Variants in TMTC2 observed in about 807,000 individuals in gnomAD.
The protein encoded by TMTC2 is transmembrane O-mannosyltransferase targeting cadherins 2, also known as protein O-mannosyl-transferase TMTC2.
TMTC2 carries 43 observed loss-of-function variants against 82.4 expected under a neutral mutation model. The ratio of observed to expected loss-of-function variants is 0.52; its 90% CI spans 0.41 to 0.67. TMTC2 has a LOEUF of 0.67. Among genes scored for constraint, TMTC2 ranks in the 30% least tolerant of loss-of-function variants. TMTC2 has a pLI of 0.00. For synonymous variants in TMTC2, 408 were observed against 381.9 expected (o/e 1.07, Z -0.80); for missense variants, 919 against 1,012.4 (o/e 0.91, Z 1.25).
intron 8 of TMTC2, among the ~76,000 whole-genome samples, chr12:83,004,915 G>C (rs1880102827): frequency 6.6e-6 from 1 of 151,404 alleles, no homozygotes; most frequent in Admixed American, 6.6e-5. Flanking sequence ...AATTTGGGAA[G>C]CTGAGGAGGG....
chr12:83,034,319 G>A (rs1592707759), intron 9 of TMTC2, among the ~76,000 whole-genome samples: 1 of 152,072 alleles, frequency 6.6e-6, no homozygotes, highest in Non-Finnish European at 1.5e-5. Context: ...AGAAGAAAGA[G>A]AAAGTTCAAA....
intron 3 of TMTC2, among the ~76,000 whole-genome samples, chr12:82,905,682 C>T (rs1211168713): frequency 3.3e-5 from 5 of 152,136 alleles, no homozygotes; most frequent in Non-Finnish European, 5.9e-5. Flanking sequence ...CCATGGCTCA[C>T]GCCTGTAATC....
chr12:83,077,134 A>G (rs1483803498), intron 11 of TMTC2, among the ~76,000 whole-genome samples: 1 of 152,230 alleles, frequency 6.6e-6, no homozygotes, highest in African/African-American at 2.4e-5. Context: ...AAGAGTTCAG[A>G]AAATGCTACC....
intron 11 of TMTC2, among the ~76,000 whole-genome samples, chr12:83,108,235 A>G (rs777785862): frequency 6.6e-6 from 1 of 152,160 alleles, no homozygotes; most frequent in Non-Finnish European, 1.5e-5. Context: ...ACTACTAATC[A>G]TTAATTACAT....
chr12:82,895,772 G>C, intron 2 of TMTC2, 46 bp from the exon 3 acceptor site: 1 of 1,520,694 alleles, frequency 6.6e-7, no homozygotes, highest in African/African-American at 1.4e-5. Flanking sequence ...TTCCCATGCT[G>C]TACTGATAAT....
chr12:82,753,792 G>T (rs1189049790), intron 1 of TMTC2, among the ~76,000 whole-genome samples: 1 of 152,176 alleles, frequency 6.6e-6, no homozygotes, highest in Admixed American at 6.5e-5. Context: ...TCTAGTTTTT[G>T]ATACAAAAGT....
intron 3 of TMTC2, among the ~76,000 whole-genome samples, chr12:82,930,153 T>G (rs1240512005): frequency 6.6e-6 from 1 of 152,160 alleles, no homozygotes; most frequent in Non-Finnish European, 1.5e-5. Context: ...CATGAAGCCT[T>G]TGTAGGTGAT....
chr12:82,758,027 A>C (rs1250322887), intron 1 of TMTC2, among the ~76,000 whole-genome samples: 1 of 152,164 alleles, frequency 6.6e-6, no homozygotes, highest in Non-Finnish European at 1.5e-5. Flanking sequence ...TTTTACTGTA[A>C]GTTGTATGAA....
intron 1 of TMTC2, among the ~76,000 whole-genome samples, chr12:82,725,454 G>A (rs996897136): frequency 6.6e-6 from 1 of 152,160 alleles, no homozygotes; most frequent in African/African-American, 2.4e-5. Context: ...TAGTCTACAA[G>A]ATTCTTATTT....
intron 8 of TMTC2, among the ~76,000 whole-genome samples, chr12:83,027,308 C>T (rs2137416323): frequency 6.6e-6 from 1 of 152,252 alleles, no homozygotes; most frequent in African/African-American, 2.4e-5. Context: ...ACCTCTTCTT[C>T]CTCATGCTTC....
chr12:82,960,432 A>G (rs960358464), intron 4 of TMTC2, among the ~76,000 whole-genome samples: 6 of 152,224 alleles, frequency 3.9e-5, no homozygotes, highest in African/African-American at 1.2e-4. Flanking sequence ...TCACCAGGGA[A>G]TACTACACAG....
At chr12:83,025,852 C>A (rs1592702008) in intron 8 of TMTC2, among the ~76,000 whole-genome samples, 1 of 152,114 alleles carries the variant, frequency 6.6e-6, no homozygotes, top group African/African-American at 2.4e-5. Flanking sequence ...AATTGAACAG[C>A]CAGATAAAGA....
intron 1 of TMTC2, among the ~76,000 whole-genome samples, chr12:82,779,545 G>C (rs1877785310): frequency 6.6e-6 from 1 of 152,120 alleles, no homozygotes; most frequent in Non-Finnish European, 1.5e-5. Context: ...GAATAGTGAA[G>C]ATGTGATAAT....
intron 7 of TMTC2, among the ~76,000 whole-genome samples, chr12:82,972,677 T>G (rs1432013770): frequency 6.6e-6 from 1 of 152,196 alleles, no homozygotes; most frequent in Non-Finnish European, 1.5e-5. Flanking sequence ...GTTTAGTTTT[T>G]TAAACTATTA....
intron 9 of TMTC2, among the ~76,000 whole-genome samples, chr12:83,037,010 A>G (rs572136900): frequency 6.6e-6 from 1 of 152,312 alleles, no homozygotes; most frequent in East Asian, 1.9e-4. Context: ...GCACCAAGCC[A>G]TTCAGGAGGG....
chr12:82,745,633 A>G (rs1412188881), intron 1 of TMTC2, among the ~76,000 whole-genome samples: 2 of 152,226 alleles, frequency 1.3e-5, no homozygotes. Context: ...CCCTTTGGTA[A>G]TGGACAAATA....
At chr12:83,118,754 C>T (rs143558564) in intron 11 of TMTC2, among the ~76,000 whole-genome samples, 5 of 152,162 alleles carry the variant, frequency 3.3e-5, no homozygotes, top group East Asian at 1.9e-4. Context: ...AACCTTTCAA[C>T]GTCTGGTAGA....
At chr12:82,833,650 T>G (rs1869871867) in intron 1 of TMTC2, among the ~76,000 whole-genome samples, 1 of 152,226 alleles carries the variant, frequency 6.6e-6, no homozygotes, top group African/African-American at 2.4e-5. Context: ...TGTTAATCTG[T>G]TAGCTAATTG....
chr12:82,989,825 A>T lies in TMTC2; in HGVS notation c.2070+3779A>T, dbSNP rs149559038. On this transcript the variant is annotated intron_variant, in intron 8 of 11. Coordinates refer to ENST00000321196, the MANE Select transcript of TMTC2 (RefSeq NM_152588.3). Reference sequence around the variant, plus strand: ...GAAGGAAAGGAAAGACTCCTATACTACAATCCAAATTTTTAATCCCCCCCA... The same window carrying T: ...GAAGGAAAGGAAAGACTCCTATACTTCAATCCAAATTTTTAATCCCCCCCA... Among the ~76,000 whole-genome samples, 825 of 151,798 alleles carry T rather than the reference A, an allele frequency of 5.4e-3. 7 individuals are homozygous for T. The highest frequency in any genetic ancestry group is 0.015 in the African/African-American group (632 of 41,430).
Sources: gnomAD v4.1 joint callset for allele counts (sites outside exome capture counted in the v4.1 genomes callset) on GRCh38, gnomAD v4.1.1 for gene constraint, MANE v1.5 for transcripts, NCBI Gene and HGNC (gene_info 2026-07-23, HGNC 2026-07-21) for gene names.